ABCB9: variants seen among roughly 807,000 people sequenced by gnomAD.
The protein encoded by ABCB9 is ATP binding cassette subfamily B member 9, also known as ABC-type oligopeptide transporter ABCB9.
In ABCB9, 36 loss-of-function variants were observed where a neutral mutation model predicts 62.0. That is an observed-to-expected ratio of 0.58 (90% confidence interval 0.45 to 0.77). The LOEUF is 0.77. Among genes scored for constraint, ABCB9 ranks in the 30% least tolerant of loss-of-function variants. ABCB9 has a pLI of 0.00. For synonymous variants in ABCB9, 435 were observed against 461.4 expected, an observed-to-expected ratio of 0.94 and a Z score of 0.73; for missense variants, 943 against 1,054.7, an observed-to-expected ratio of 0.89 and a Z score of 1.47.
chr12:122,950,821 C>G (rs150649079), intron 2 of ABCB9: 2 of 419,270 alleles, frequency 4.8e-6, no homozygotes, highest in South Asian at 3.9e-5. Flanking sequence ...TACCAGGCAT[C>G]GAGCCAGGGC....
In ABCB9 at chr12:122,940,022, G is replaced by A. The variant is rs769870245; in HGVS notation, c.1743+89C>T. On this transcript the variant is annotated intron_variant, in intron 9 of 11. Coordinates refer to ENST00000280560, the MANE Select transcript of ABCB9 (RefSeq NM_019625.4). The surrounding 1 kb of genome is among the most constrained non-coding windows in gnomAD (Gnocchi z 4.8). ...TCTTTGAACTGTCCATTTATCTCTA[G>A]TGCCCTCTTCCGCACCTGTTACAGC... The A allele has an allele frequency of 1.4e-6, 2 of 1,467,168 alleles. No homozygotes were observed. The highest frequency in any genetic ancestry group is 4.5e-5 in the Admixed American group (2 of 44,422). 90.9% of individuals were successfully genotyped at this position (1,467,168 alleles called of 1,614,324 possible).
chr12:122,930,246 T>G lies in ABCB9; in HGVS notation c.2041-75A>C, dbSNP rs1593971267. 14 of 1,391,370 alleles carry G rather than the reference T, an allele frequency of 1.0e-5. No individual in the cohort carries two copies. Among genetic ancestry groups the G allele is most frequent in the Non-Finnish European group, 1.3e-5 (13 of 1,032,724 alleles). The allele number at this position is 1,391,370 out of a possible 1,614,324, so 86.2% of individuals were successfully genotyped here. ...CAACCGTGCTTCATGCCACGGCCTA[T>G]GGGCTGATGCTTAACCTCTCTGAGG... On this transcript the variant is annotated intron_variant, in intron 11 of 11. Transcript: ENST00000280560. The surrounding 1 kb of genome is among the most constrained non-coding windows in gnomAD (Gnocchi z 4.9).
At chr12:122,938,814 C>T (rs762025517) in intron 9 of ABCB9, among the ~76,000 whole-genome samples, 4 of 150,840 alleles carry the variant, frequency 2.7e-5, no homozygotes, top group Non-Finnish European at 5.9e-5. Context: ...GGCGACAGAG[C>T]GAGACTCTGT....
At chr12:122,918,918 G>A (rs1256497488), downstream of ABCB9, among the ~76,000 whole-genome samples, 2 of 152,048 alleles carry the variant, frequency 1.3e-5, no homozygotes, top group African/African-American at 4.8e-5. Context: ...CCCATGCCCT[G>A]GTAACCTCTA....
At position 122,964,537 on chromosome 12, in the gene ABCB9, C is replaced by G. The variant is rs923680728; in HGVS notation, c.-88+1750G>C. ...CTCCTAGCAGAGTGGACTCCAGCCC[C>G]GGGTCGGGTTACAGTCCTCGGTGGG... On this transcript the variant is annotated intron_variant, in intron 1 of 11. Transcript: ENST00000280560. This position sits in a 1 kb window ranked among gnomAD's most constrained non-coding sequence, Gnocchi z 4.7. Among the ~76,000 whole-genome samples the G allele has an allele frequency of 1.3e-5, 2 of 152,184 alleles. No individual in the cohort carries two copies. The highest frequency in any genetic ancestry group is 2.4e-5 in the African/African-American group (1 of 41,436).
rs762418423 is a variant in ABCB9 at position 122,940,155 on chromosome 12, C to T, written c.1699G>A (p.Gly567Ser). Reference protein sequence around the residue: ...PLEGGRVLLDGKPISAYDHKY... With the variant: ...PLEGGRVLLDSKPISAYDHKY... ...TGGTCGTAGGCGCTGATGGGCTTGC[C>T]GTCCAGCAGCACCCGGCCCCCCTCC... Residue 567 changes from glycine to serine, a missense_variant, in exon 9 of 12, where the codon GGC (glycine) becomes AGC (serine). Gly to Ser is a moderately conservative substitution (Grantham distance 56). Transcript: ENST00000280560. This position sits in a 1 kb window ranked among gnomAD's most constrained non-coding sequence, Gnocchi z 4.8. The T allele has an allele frequency of 3.2e-5, 51 of 1,613,100 alleles. No individual in the cohort carries two copies. In the Middle Eastern group the frequency reaches 4.9e-4, roughly 16 times the overall value.
intron 7 of ABCB9, among the ~76,000 whole-genome samples, chr12:122,943,114 C>T (rs1344973473): frequency 6.6e-6 from 1 of 152,152 alleles, no homozygotes; most frequent in Non-Finnish European, 1.5e-5. Context: ...CCAGGCTGAC[C>T]TTGAGCAATG....
At chr12:122,939,987 T>C in intron 9 of ABCB9, 124 bp downstream of exon 9, 2 of 1,248,140 alleles carry the variant, frequency 1.6e-6, no homozygotes, top group Non-Finnish European at 2.2e-6. Flanking sequence ...GCATTGTAAT[T>C]GGTGATAATT....
downstream of ABCB9, chr12:122,924,735 C>T (rs572221408): frequency 1.3e-6 from 2 of 1,533,398 alleles, no homozygotes; most frequent in South Asian, 1.2e-5. Flanking sequence ...TTGTTTTCCT[C>T]ATCTGTCTCT....
intron 1 of ABCB9, among the ~76,000 whole-genome samples, chr12:122,960,577 T>C (rs929309509): frequency 2.6e-5 from 4 of 151,986 alleles, no homozygotes; most frequent in Non-Finnish European, 4.4e-5. Flanking sequence ...GGAGATGACA[T>C]ACTCATGCAG....
chr12:122,959,072 G>A lies in ABCB9; in HGVS notation c.601+563C>T, dbSNP rs1315597717. On this transcript the variant is annotated intron_variant, in intron 2 of 11. Transcript: ENST00000280560. The surrounding 1 kb of genome is among the most constrained non-coding windows in gnomAD (Gnocchi z 5.4). Reference sequence around the variant, plus strand: ...TTAAATTACATAAAATAGAAATGGGGCAGGCACCGTGGCTCACGCCTGTAA... The same window carrying A: ...TTAAATTACATAAAATAGAAATGGGACAGGCACCGTGGCTCACGCCTGTAA... 1.3e-5 allele frequency among the ~76,000 whole-genome samples: 2 copies of A among 149,136 alleles called. No individual in the cohort carries two copies. Among genetic ancestry groups the A allele is most frequent in the East Asian group, 4.2e-4 (2 of 4,710 alleles).
At chr12:122,949,448 G>A (rs2036237035) in intron 4 of ABCB9, 1 of 247,586 alleles carries the variant, frequency 4.0e-6, no homozygotes, top group Non-Finnish European at 8.0e-6. Flanking sequence ...CTCACCTGCT[G>A]ACCCCCATGG....
Position 122,932,179 on chromosome 12 carries a change from C to A in ABCB9, c.2040+13G>T, listed in dbSNP as rs780916970. The A allele has an allele frequency of 6.4e-7, 1 of 1,551,894 alleles. No homozygotes were observed. The highest frequency in any genetic ancestry group is 1.2e-5 in the South Asian group (1 of 84,052). On this transcript the variant is annotated intron_variant, in intron 11 of 11. Coordinates refer to ENST00000280560, the MANE Select transcript of ABCB9 (RefSeq NM_019625.4). The surrounding 1 kb of genome is among the most constrained non-coding windows in gnomAD (Gnocchi z 4.7). ...GCTCCTGCCCCCGCATTGCCCACCA[C>A]CCTGTGACTCACCAGATACTCGCTC...
Position 122,929,560 on chromosome 12 carries a change from AT to A in ABCB9, c.*350del, listed in dbSNP as rs1243187815. ...GAACATCTTGGTGAAAGTGCCCGCC[AT>A]TACTCCCAATTAGAAAAAGGTTTTT... On this transcript the variant is annotated 3_prime_UTR_variant, in exon 12 of 12. Transcript: ENST00000280560. This position sits in a 1 kb window ranked among gnomAD's most constrained non-coding sequence, Gnocchi z 6.0. 9.4e-7 allele frequency: 1 copy of A among 1,069,278 alleles called. No individual in the cohort carries two copies. Among genetic ancestry groups the A allele is most frequent in the Non-Finnish European group, 1.1e-6 (1 of 885,222 alleles). 66.2% of individuals were successfully genotyped at this position (1,069,278 alleles called of 1,614,324 possible).
rs550650167 is a variant in ABCB9, at chr12:122,944,196, T to C, written c.1380+195A>G. The stretch of plus-strand genomic sequence containing the variant: ...CACCCGCCTCCGCCTCCCAAAGTTC[T>C]GGGATTATAGGCGTGAGCCACCACG... On this transcript the variant is annotated intron_variant, in intron 7 of 11. Transcript: ENST00000280560. This position sits in a 1 kb window ranked among gnomAD's most constrained non-coding sequence, Gnocchi z 4.9. Among the ~76,000 whole-genome samples, 10 of 152,266 alleles carry C rather than the reference T, an allele frequency of 6.6e-5. No homozygotes were observed. Among genetic ancestry groups the C allele is most frequent in the African/African-American group, 2.2e-4 (9 of 41,564 alleles).
chr12:122,923,511 C>T (rs182649690), intron 11 of ABCB9, among the ~76,000 whole-genome samples: 3 of 151,870 alleles, frequency 2.0e-5, no homozygotes, highest in Non-Finnish European at 4.4e-5. Context: ...GGATGGTCTC[C>T]ATCTCCTGAC....
At chr12:122,939,305 A>C (rs547556282) in intron 9 of ABCB9, 1 of 152,416 alleles carries the variant, frequency 6.6e-6, no homozygotes, top group African/African-American at 2.4e-5. Context: ...TGGATGACTC[A>C]CAATGTCGAG....
chr12:122,931,967 T>C (rs918048637), intron 11 of ABCB9: 2 of 726,800 alleles, frequency 2.8e-6, no homozygotes, highest in Non-Finnish European at 4.4e-6. Context: ...TCTGATGCCT[T>C]CTCTTGCCCC....
rs148053056 is a variant in ABCB9 at position 122,943,577 on chromosome 12, C to T, written c.1380+814G>A. Among the ~76,000 whole-genome samples, 1,456 of 152,254 alleles carry T rather than the reference C, an allele frequency of 9.6e-3. 24 individuals carry two copies. Among genetic ancestry groups the T allele is most frequent in the African/African-American group, 0.033 (1,367 of 41,534 alleles). ...AGCTGTTAAGACCATTTTCTGAAAT[C>T]ACCTCTGTCCCTAAAGGGTGTTGCT... On this transcript the variant is annotated intron_variant, in intron 7 of 11. Coordinates refer to ENST00000280560, the MANE Select transcript of ABCB9 (RefSeq NM_019625.4).
Sources: gnomAD v4.1 joint callset for allele counts (sites outside exome capture counted in the v4.1 genomes callset) on GRCh38, gnomAD v4.1.1 for gene constraint, Gnocchi (gnomAD v3.1) non-coding constraint, MANE v1.5 for transcripts, NCBI Gene and HGNC (gene_info 2026-07-23, HGNC 2026-07-21) for gene names.